Variants in GOLGA1 observed in about 807,000 individuals in gnomAD.
The protein encoded by GOLGA1 is golgin subfamily A member 1.
In GOLGA1, 63 loss-of-function variants were observed where a neutral mutation model predicts 119.7. That is an observed-to-expected ratio of 0.53 (90% CI 0.43 to 0.65). The LOEUF (loss-of-function observed/expected upper bound fraction) is 0.65. GOLGA1 is among the 30% of genes least tolerant of loss of function. GOLGA1 has a pLI of 0.00. For synonymous variants in GOLGA1, 318 were observed against 333.4 expected, an observed-to-expected ratio of 0.95 and a Z score of 0.50; for missense variants, 798 against 912.8, an observed-to-expected ratio of 0.87 and a Z score of 1.62.
Position 124,899,424 on chromosome 9 carries a change from G to T in GOLGA1, c.1216C>A (p.Gln406Lys). 6.5e-7 allele frequency: 1 copy of T among 1,548,552 alleles called. No homozygotes were observed. The change falls in exon 14 of 23, where the codon CAG becomes AAG. Residue 406 changes from glutamine to lysine, a missense_variant. Coordinates refer to ENST00000373555, the MANE Select transcript of GOLGA1 (RefSeq NM_002077.4). ...HVQQQALALE[Q>K]QFLERTQALE... ...GCCTGGGTGCGCTCCAAGAACTGCTGCTCCAGAGCAAGGGCCTGCTGCTGC... is the reference window on the plus strand; with the variant it reads ...GCCTGGGTGCGCTCCAAGAACTGCTTCTCCAGAGCAAGGGCCTGCTGCTGC...
intron 15 of GOLGA1, among the ~76,000 whole-genome samples, chr9:124,894,317 T>C (rs1260107387): frequency 2.0e-5 from 3 of 152,172 alleles, no homozygotes; most frequent in Non-Finnish European, 4.4e-5. Context: ...CACTCATTGA[T>C]AGCCATTTGG....
At chr9:124,934,066 T>G (rs1192765586) in intron 3 of GOLGA1, among the ~76,000 whole-genome samples, 1 of 152,142 alleles carries the variant, frequency 6.6e-6, no homozygotes, top group Non-Finnish European at 1.5e-5. Context: ...TGGGGATCCT[T>G]GACACACATA....
At position 124,921,912 on chromosome 9, in the gene GOLGA1, T is replaced by C; in HGVS notation, c.562-20A>G. ...TAAAAGCTGACACAAAAATACAAAG[T>C]TTCATTGGGCTATGCTAAGAAAAAT... On this transcript the variant is annotated intron_variant, in intron 8 of 22. Coordinates refer to ENST00000373555, the MANE Select transcript of GOLGA1 (RefSeq NM_002077.4). The C allele has an allele frequency of 6.2e-7, 1 of 1,602,144 alleles. No homozygotes were observed.
intron 14 of GOLGA1, 66 bp downstream of exon 14, chr9:124,899,263 G>A (rs1264956965): frequency 3.8e-5 from 54 of 1,435,726 alleles, no homozygotes; most frequent in African/African-American, 5.7e-5. Flanking sequence ...TGTCAAGCAC[G>A]AGGCTGACTT....
intron 20 of GOLGA1, 97 bp downstream of exon 20, chr9:124,882,413 G>A (rs1003400205): frequency 7.2e-6 from 6 of 838,574 alleles, no homozygotes; most frequent in Non-Finnish European, 1.2e-5. Context: ...AGGGGGTGGA[G>A]GGAGCATAGT....
intron 15 of GOLGA1, among the ~76,000 whole-genome samples, chr9:124,891,464 T>G (rs1341909819): frequency 2.0e-5 from 3 of 152,160 alleles, no homozygotes; most frequent in African/African-American, 7.2e-5. Context: ...AAGAGACAAA[T>G]CTACCATCGT....
At chr9:124,921,960 G>C in intron 8 of GOLGA1, 68 bp from the exon 9 acceptor site, 1 of 1,318,170 alleles carries the variant, frequency 7.6e-7, no homozygotes, top group Non-Finnish European at 1.1e-6. Context: ...AGGCATGCTG[G>C]CTCACGCCTG....
intron 4 of GOLGA1, among the ~76,000 whole-genome samples, chr9:124,929,554 G>T (rs1168872595): frequency 6.6e-6 from 1 of 152,192 alleles, no homozygotes; most frequent in Non-Finnish European, 1.5e-5. Flanking sequence ...ATTAGGCTTA[G>T]CCTGGTGATC....
chr9:124,946,773 G>A lies in GOLGA1; in HGVS notation c.-156+1145C>T, dbSNP rs147743028. ...ATATTAAAAACTCTACTTCATGTGCGAATATATCATCAACTTGCAGAACAC... is the reference window on the plus strand; with the variant it reads ...ATATTAAAAACTCTACTTCATGTGCAAATATATCATCAACTTGCAGAACAC... On this transcript the variant is annotated intron_variant, in intron 1 of 4. Coordinates refer to the GOLGA1 transcript ENST00000421514. The surrounding 1 kb of genome is among the most constrained non-coding windows in gnomAD (Gnocchi z 4.0). 1.6e-4 allele frequency: 25 copies of A among 152,214 alleles called. No homozygotes were observed. The highest frequency in any genetic ancestry group is 3.1e-4 in the Non-Finnish European group (21 of 68,004). 9.4% of individuals were successfully genotyped at this position (152,214 alleles called of 1,614,324 possible).
chr9:124,921,675 A>G, intron 9 of GOLGA1, 48 bp downstream of exon 9: 1 of 1,453,280 alleles, frequency 6.9e-7, no homozygotes, highest in East Asian at 2.3e-5. Context: ...CTATAGCCAG[A>G]ACTACACTAA....
At position 124,881,101 on chromosome 9, in the gene GOLGA1, T is replaced by C; in HGVS notation, c.2223+70A>G. The C allele has an allele frequency of 1.2e-6, 1 of 867,256 alleles. No homozygotes were observed. Among genetic ancestry groups the C allele is most frequent in the South Asian group, 1.3e-5 (1 of 76,126 alleles). 53.7% of individuals were successfully genotyped at this position (867,256 alleles called of 1,614,324 possible). ...CACTCGGGTGTGGGTCTAAGGGGTC[T>C]TACACTGCTACTGCTGGGATAACTG... On this transcript the variant is annotated intron_variant, in intron 22 of 22. Transcript: ENST00000373555. The surrounding 1 kb of genome is among the most constrained non-coding windows in gnomAD (Gnocchi z 4.9).
At chr9:124,915,454 C>G (rs569672947) in intron 10 of GOLGA1, among the ~76,000 whole-genome samples, 1 of 152,282 alleles carries the variant, frequency 6.6e-6, no homozygotes, top group East Asian at 1.9e-4. Context: ...CCCTGCATAC[C>G]TTCCCAGCCT....
Position 124,939,279 on chromosome 9 carries a change from GTTCT to G in GOLGA1, c.-155-417_-155-414del, listed in dbSNP as rs1442405785. On this transcript the variant is annotated intron_variant, in intron 2 of 22. Transcript: ENST00000373555. The stretch of plus-strand genomic sequence containing the variant: ...CCAATAAGCTTAACTACAGTTTAGT[GTTCT>G]TTAAGTTGAAGACAAAAATGCATGT... Among the ~76,000 whole-genome samples, 127 of 152,162 alleles carry G rather than the reference GTTCT, an allele frequency of 8.3e-4. 1 individual carries two copies. The highest frequency in any genetic ancestry group is 6.8e-3 in the Middle Eastern group (2 of 294).
At chr9:124,882,385 G>A (rs946701686) in intron 20 of GOLGA1, 125 bp downstream of exon 20, 14 of 704,996 alleles carry the variant, frequency 2.0e-5, no homozygotes, top group South Asian at 6.7e-5. Context: ...ATTGCCCAGC[G>A]ATCCCTTGCA....
intron 7 of GOLGA1, among the ~76,000 whole-genome samples, chr9:124,925,432 T>C (rs1830655427): frequency 6.6e-6 from 1 of 151,806 alleles, no homozygotes; most frequent in Admixed American, 6.6e-5. Context: ...TATATAAAAC[T>C]GTTGCCAGGC....
intron 11 of GOLGA1, among the ~76,000 whole-genome samples, chr9:124,908,937 A>C (rs577593313): frequency 9.8e-5 from 15 of 152,354 alleles, no homozygotes; most frequent in African/African-American, 3.4e-4. Context: ...AAAGATAGGC[A>C]AAAGGGCCAG....
intron 1 of GOLGA1, 44 bp downstream of exon 1, chr9:124,940,927 G>C (rs1215418443): frequency 6.6e-6 from 1 of 152,338 alleles, no homozygotes; most frequent in Non-Finnish European, 1.5e-5. Context: ...GCCACTGGGA[G>C]AATAAGGGGC....
chr9:124,926,633 GGTTACCGGATAAAAC>G (rs1231273335), intron 7 of GOLGA1, 61 bp downstream of exon 7: 3 of 885,790 alleles, frequency 3.4e-6, no homozygotes, highest in Non-Finnish European at 5.8e-6. Flanking sequence ...TCAGTATGTT[GGTTACCGGATAAAAC>G]GTTTTCCATA....
At position 124,881,684 on chromosome 9, in the gene GOLGA1, T is replaced by A. The variant is rs1416073415; in HGVS notation, c.2136+100A>T. 43 of 814,072 alleles carry A rather than the reference T, an allele frequency of 5.3e-5. No homozygotes were observed. The highest frequency in any genetic ancestry group is 7.8e-5 in the Non-Finnish European group (39 of 501,112). The allele number at this position is 814,072 out of a possible 1,614,324, so 50.4% of individuals were successfully genotyped here. A position where few individuals can be genotyped will look rare whatever the true frequency, so the allele number is the denominator to read the frequency against. On this transcript the variant is annotated intron_variant, in intron 21 of 22. Transcript: ENST00000373555. The surrounding 1 kb of genome is among the most constrained non-coding windows in gnomAD (Gnocchi z 4.9). ...TGACCACAAGGGCGTCAAACCAGGATGTACGAGGAAAAGAGAGAAAGGGGC... is the reference window on the plus strand; with the variant it reads ...TGACCACAAGGGCGTCAAACCAGGAAGTACGAGGAAAAGAGAGAAAGGGGC...
Sources: gnomAD v4.1 joint callset for allele counts (sites outside exome capture counted in the v4.1 genomes callset) on GRCh38, gnomAD v4.1.1 for gene constraint, Gnocchi (gnomAD v3.1) non-coding constraint, MANE v1.5 for transcripts, NCBI Gene and HGNC (gene_info 2026-07-23, HGNC 2026-07-21) for gene names.